The following IL1RAPL1 variants were observed in gnomAD, a reference collection of about 807,000 sequenced individuals.
IL1RAPL1 encodes the protein interleukin 1 receptor accessory protein like 1, also known as interleukin-1 receptor accessory protein-like 1.
IL1RAPL1 carries 3 observed loss-of-function variants against 48.4 expected under a neutral mutation model. That is an observed-to-expected ratio of 0.06 (90% CI 0.03 to 0.16). IL1RAPL1 has a LOEUF of 0.16. Among genes scored for constraint, IL1RAPL1 ranks in the 10% least tolerant of loss-of-function variants. IL1RAPL1 has a pLI of 1.00. For missense variants in IL1RAPL1, 349 were observed against 530.6 expected, an observed-to-expected ratio of 0.66 and a Z score of 3.36; for synonymous variants, 185 against 187.7, an observed-to-expected ratio of 0.99 and a Z score of 0.12.
intron 2 of IL1RAPL1, among the ~76,000 whole-genome samples, chrX:28,856,460 T>C (rs1569186844): frequency 1.8e-5 from 2 of 112,060 alleles, no homozygotes; most frequent in East Asian, 5.6e-4. Context: ...TATTGTACTT[T>C]GCAGATATTG....
At chrX:29,784,434 T>C (rs886203339) in intron 6 of IL1RAPL1, among the ~76,000 whole-genome samples, 8 of 111,656 alleles carry the variant, frequency 7.2e-5, no homozygotes, top group African/African-American at 2.6e-4. Flanking sequence ...CATTCTGAAA[T>C]TGCCTTGGCT....
At chrX:28,746,997 A>G (rs1344695553) in intron 1 of IL1RAPL1, among the ~76,000 whole-genome samples, 1 of 110,768 alleles carries the variant, frequency 9.0e-6, no homozygotes, top group Non-Finnish European at 1.9e-5. Context: ...TCGTCTTTCT[A>G]CTGGTTGGGG....
intron 3 of IL1RAPL1, among the ~76,000 whole-genome samples, chrX:29,315,633 C>T (rs1173602401): frequency 9.0e-6 from 1 of 111,627 alleles, no homozygotes; most frequent in Non-Finnish European, 1.9e-5. Flanking sequence ...CAAAATGAGT[C>T]ATTTAAACAA....
chrX:28,873,902 G>T (rs1922297019), intron 2 of IL1RAPL1, among the ~76,000 whole-genome samples: 1 of 108,170 alleles, frequency 9.2e-6, no homozygotes, highest in South Asian at 4.2e-4. Context: ...AGATTTTAGG[G>T]TAATATGGGA....
intron 6 of IL1RAPL1, among the ~76,000 whole-genome samples, chrX:29,880,435 C>A (rs1338650519): frequency 9.0e-6 from 1 of 111,577 alleles, no homozygotes; most frequent in Admixed American, 9.5e-5. Flanking sequence ...TTGCTTTTTT[C>A]ATTGAGAAAT....
intron 8 of IL1RAPL1, among the ~76,000 whole-genome samples, chrX:29,934,691 T>C (rs1023920747): frequency 1.8e-5 from 2 of 110,200 alleles, no homozygotes; most frequent in Admixed American, 9.7e-5. Flanking sequence ...GCACTACATA[T>C]ACACACACAC....
chrX:29,245,293 T>G (rs769839732), intron 2 of IL1RAPL1, among the ~76,000 whole-genome samples: 3 of 111,493 alleles, frequency 2.7e-5, no homozygotes, highest in Non-Finnish European at 3.8e-5. Flanking sequence ...ATATACCCAG[T>G]AATGGGATTA....
chrX:28,668,315 A>G (rs1934904982), intron 1 of IL1RAPL1, among the ~76,000 whole-genome samples: 2 of 111,282 alleles, frequency 1.8e-5, no homozygotes, highest in African/African-American at 3.3e-5. Flanking sequence ...CTGGAGTGCA[A>G]TGGCGTGATG....
At chrX:28,638,710 G>A (rs772448098) in intron 1 of IL1RAPL1, among the ~76,000 whole-genome samples, 8 of 109,323 alleles carry the variant, frequency 7.3e-5, no homozygotes, top group Non-Finnish European at 1.5e-4. Flanking sequence ...TAAGCGTAGG[G>A]ATGATCTCGA....
At chrX:29,124,307 C>T (rs1372513977) in intron 2 of IL1RAPL1, among the ~76,000 whole-genome samples, 1 of 112,115 alleles carries the variant, frequency 8.9e-6, no homozygotes, top group East Asian at 2.8e-4. Flanking sequence ...TGTATAAAAT[C>T]CTGCCCTCTG....
intron 3 of IL1RAPL1, among the ~76,000 whole-genome samples, chrX:29,330,971 A>G (rs968592736): frequency 2.7e-5 from 3 of 111,138 alleles, no homozygotes; most frequent in African/African-American, 9.8e-5. Flanking sequence ...GTTTGAGACC[A>G]GCCTGGCCAA....
At chrX:29,425,619 G>C (rs1047661691) in intron 5 of IL1RAPL1, among the ~76,000 whole-genome samples, 3 of 110,963 alleles carry the variant, frequency 2.7e-5, no homozygotes, top group Non-Finnish European at 5.7e-5. Flanking sequence ...TGGTTCTGTC[G>C]CCCAGGCTGG....
intron 5 of IL1RAPL1, among the ~76,000 whole-genome samples, chrX:29,438,994 A>G (rs1344714119): frequency 9.0e-6 from 1 of 111,024 alleles, no homozygotes; most frequent in Non-Finnish European, 1.9e-5. Flanking sequence ...TGGACCTGCC[A>G]TAGTATTACC....
At chrX:29,269,727 A>G (rs1431248124) in intron 2 of IL1RAPL1, among the ~76,000 whole-genome samples, 1 of 109,465 alleles carries the variant, frequency 9.1e-6, no homozygotes, top group Non-Finnish European at 1.9e-5. Flanking sequence ...TCTATTGTCA[A>G]CCAAGCAGGC....
chrX:29,468,583 C>T (rs751801631), intron 5 of IL1RAPL1, among the ~76,000 whole-genome samples: 4 of 112,136 alleles, frequency 3.6e-5, no homozygotes, highest in South Asian at 7.4e-4. Flanking sequence ...TGGCTCATCA[C>T]GGTGACCTTT....
intron 5 of IL1RAPL1, among the ~76,000 whole-genome samples, chrX:29,523,851 G>A (rs1935526403): frequency 9.0e-6 from 1 of 111,012 alleles, no homozygotes; most frequent in African/African-American, 3.3e-5. Context: ...TGTTATATGG[G>A]AAGATTATTT....
intron 10 of IL1RAPL1, among the ~76,000 whole-genome samples, 193 bp downstream of exon 10, chrX:29,954,885 CT>C (rs1661705295): frequency 1.8e-5 from 2 of 112,233 alleles, no homozygotes; most frequent in South Asian, 7.3e-4. Flanking sequence ...TACTCCATTA[CT>C]GTATAAAGCA....
chrX:28,688,911 A>G (rs994286557), intron 1 of IL1RAPL1, among the ~76,000 whole-genome samples: 9 of 111,390 alleles, frequency 8.1e-5, no homozygotes, highest in African/African-American at 2.9e-4. Context: ...AATAGCATCT[A>G]TAAATGCTTC....
At chrX:29,416,505 C>G (rs1197221515) in intron 5 of IL1RAPL1, among the ~76,000 whole-genome samples, 1 of 110,895 alleles carries the variant, frequency 9.0e-6, no homozygotes, top group African/African-American at 3.3e-5. Context: ...CCACTGCACT[C>G]CAGCCTGGGC....
Sources: allele counts gnomAD v4.1 joint callset (sites outside exome capture counted in the v4.1 genomes callset), GRCh38; gene constraint gnomAD v4.1.1; transcripts MANE v1.5; gene names NCBI Gene and HGNC (gene_info 2026-07-23, HGNC 2026-07-21).